Variants in RBBP4 observed in about 807,000 individuals in gnomAD.
RBBP4 encodes the protein RB binding protein 4, chromatin remodeling factor.
Under a neutral mutation model 57.2 loss-of-function variants are expected in RBBP4, and 3 were observed. The observed-to-expected ratio is 0.05, with a 90% confidence interval of 0.02 to 0.14. The LOEUF (loss-of-function observed/expected upper bound fraction) is 0.14. Ranked by LOEUF, RBBP4 falls within the 10% of genes least tolerant of loss-of-function variation. The pLI is 1.00. For missense variants in RBBP4, 107 were observed against 520.6 expected (o/e 0.21, Z 7.73); for synonymous variants, 151 against 171.5 (o/e 0.88, Z 0.93).
In RBBP4 at chr1:32,685,782, T is replaced by A. The variant is rs963921724; in HGVS notation, c.*6077T>A. ...GAAAAGCAGTCTGCACCACCAGTGATAAGCTGTGACAGAGTGGAACAGCCT... is the reference window on the plus strand; with the variant it reads ...GAAAAGCAGTCTGCACCACCAGTGAAAAGCTGTGACAGAGTGGAACAGCCT... On this transcript the variant is annotated 3_prime_UTR_variant, in exon 12 of 12. Coordinates refer to ENST00000373493, the MANE Select transcript of RBBP4 (RefSeq NM_005610.3). 2.0e-5 allele frequency: 3 copies of A among 152,240 alleles called. No homozygotes were observed. Among genetic ancestry groups the A allele is most frequent in the African/African-American group, 7.2e-5 (3 of 41,450 alleles). 9.4% of individuals were successfully genotyped at this position (152,240 alleles called of 1,614,324 possible).
intron 2 of RBBP4, among the ~76,000 whole-genome samples, chr1:32,653,501 C>T: frequency 6.6e-6 from 1 of 151,948 alleles, no homozygotes. Context: ...ATACTAGTAA[C>T]TTAAGAATGA....
In RBBP4 at chr1:32,685,581, TTGATACTC is replaced by T. The variant is rs1649767345; in HGVS notation, c.*5879_*5886del. ...CCTGTGGCACATCAATCCGCACTGT[TTGATACTC>T]TGGCTGAATCTCAGCTTTCACCAAC... On this transcript the variant is annotated 3_prime_UTR_variant, in exon 12 of 12. Transcript: ENST00000373493. 6.6e-6 allele frequency: 1 copy of T among 152,260 alleles called. No individual in the cohort carries two copies. The highest frequency in any genetic ancestry group is 1.5e-5 in the Non-Finnish European group (1 of 68,056). The allele number at this position is 152,260 out of a possible 1,614,324, so 9.4% of individuals were successfully genotyped here.
At chr1:32,651,688 G>T in intron 1 of RBBP4, 1 of 751,442 alleles carries the variant, frequency 1.3e-6, no homozygotes. Context: ...TGCTCCGAAG[G>T]CCTGGCTGGC....
intron 3 of RBBP4, among the ~76,000 whole-genome samples, chr1:32,662,064 G>T (rs1404960749): frequency 6.7e-6 from 1 of 150,140 alleles, no homozygotes; most frequent in Non-Finnish European, 1.5e-5. Context: ...TTTTGTGGTT[G>T]TAGTAGAGAT....
rs372273368 is a variant in RBBP4 at position 32,669,583 on chromosome 1, C to T, written c.966+20C>T. ...TTCCAGGTAAGAGAAACTAATGCTA[C>T]TATTTTGTTTGTTTTAAGAAAAACC... is the stretch of plus-strand genomic sequence containing the variant. On this transcript the variant is annotated intron_variant, in intron 8 of 11. Transcript: ENST00000373493. The surrounding 1 kb of genome is among the most constrained non-coding windows in gnomAD (Gnocchi z 4.9). 2 of 1,584,980 alleles carry T rather than the reference C, an allele frequency of 1.3e-6. No homozygotes were observed. Among genetic ancestry groups the T allele is most frequent in the Non-Finnish European group, 1.7e-6 (2 of 1,171,116 alleles).
chr1:32,651,567 C>T (rs569814863), intron 1 of RBBP4: 1 of 1,084,000 alleles, frequency 9.2e-7, no homozygotes, highest in Non-Finnish European at 1.2e-6. Flanking sequence ...TTCCTGCCTC[C>T]GATATCGGTT....
At chr1:32,653,655 T>G (rs865867860) in intron 2 of RBBP4, among the ~76,000 whole-genome samples, 1,380 of 50,260 alleles carry the variant, frequency 0.027, 47 homozygotes, top group African/African-American at 0.082. Context: ...TTTTTTTTTT[T>G]TTTTGTTTTT....
Position 32,684,536 on chromosome 1 carries a change from AGAAGTTGT to A in RBBP4, c.*4833_*4840del. On this transcript the variant is annotated 3_prime_UTR_variant, in exon 12 of 12. Coordinates refer to ENST00000373493, the MANE Select transcript of RBBP4 (RefSeq NM_005610.3). ...ATGATAGGTTATGAAACAGGTTCAAAGAAGTTGTGTCTTGGAAAAAAAGTGACAATGCT... is the reference window on the plus strand; with the variant it reads ...ATGATAGGTTATGAAACAGGTTCAAAGTCTTGGAAAAAAAGTGACAATGCT... 1 of 1,143,600 alleles carries A rather than the reference AGAAGTTGT, an allele frequency of 8.7e-7. No individual in the cohort carries two copies. Among genetic ancestry groups the A allele is most frequent in the Non-Finnish European group, 1.2e-6 (1 of 828,852 alleles). The allele number at this position is 1,143,600 out of a possible 1,614,324, so 70.8% of individuals were successfully genotyped here.
Position 32,679,656 on chromosome 1 carries a change from A to T in RBBP4, c.1229A>T (p.Asn410Ile). The T allele has an allele frequency of 6.3e-7, 1 of 1,586,950 alleles. No homozygotes were observed. The highest frequency in any genetic ancestry group is 8.5e-7 in the Non-Finnish European group (1 of 1,172,370). The part of the protein sequence containing the change: ...QVWQMAENIY[N>I]DEDPEGSVDP... ...TTTGGGCAGGCAGAGAACATTTATA[A>T]TGATGAAGACCCTGAAGGAAGCGTG... Residue 410 changes from asparagine to isoleucine, a missense_variant, in exon 12 of 12, where the codon AAT becomes ATT. Asn to Ile is a moderately radical substitution (Grantham distance 149, BLOSUM62 -3). Coordinates refer to ENST00000373493, the MANE Select transcript of RBBP4 (RefSeq NM_005610.3).
At position 32,680,357 on chromosome 1, in the gene RBBP4, G is replaced by C. The variant is rs879220285; in HGVS notation, c.*652G>C. ...AATGGTGTTTTTTTTTTTGTTGTTGGTTTTTTTTTTTTTTTTTTTAACTTG... is the reference window on the plus strand; with the variant it reads ...AATGGTGTTTTTTTTTTTGTTGTTGCTTTTTTTTTTTTTTTTTTTAACTTG... On this transcript the variant is annotated 3_prime_UTR_variant, in exon 12 of 12. Coordinates refer to ENST00000373493, the MANE Select transcript of RBBP4 (RefSeq NM_005610.3). 5.2e-6 allele frequency: 4 copies of C among 771,604 alleles called. No homozygotes were observed. The Admixed American group carries it at 2.7e-4, about 53-fold the overall frequency. 47.8% of individuals were successfully genotyped at this position (771,604 alleles called of 1,614,324 possible).
At chr1:32,672,993 T>G in intron 11 of RBBP4, 92 bp downstream of exon 11, 1 of 1,041,310 alleles carries the variant, frequency 9.6e-7, no homozygotes, top group Non-Finnish European at 1.4e-6. Context: ...AGCTACCATC[T>G]CTGTTCATTT....
At chr1:32,675,326 G>A (rs367552917) in intron 11 of RBBP4, among the ~76,000 whole-genome samples, 1 of 151,794 alleles carries the variant, frequency 6.6e-6, no homozygotes, top group African/African-American at 2.4e-5. Flanking sequence ...GTGAGCCACC[G>A]CGCCTGGCGT....
chr1:32,661,811 T>TCC (rs71006353), intron 3 of RBBP4, among the ~76,000 whole-genome samples: 6 of 144,502 alleles, frequency 4.2e-5, no homozygotes, highest in East Asian at 2.0e-4. Context: ...CTTTTTTTTT[T>TCC]CACATTCGTT....
chr1:32,678,694 A>G (rs559919395), intron 11 of RBBP4, among the ~76,000 whole-genome samples: 208 of 139,534 alleles, frequency 1.5e-3, no homozygotes, highest in African/African-American at 5.1e-3. Flanking sequence ...GGTTCAATCA[A>G]TTCTTATGCC....
rs1477445178 is a variant in RBBP4 at position 32,682,824 on chromosome 1, T to C, written c.*3119T>C. 3.3e-5 allele frequency: 5 copies of C among 152,164 alleles called. No individual in the cohort carries two copies. The highest frequency in any genetic ancestry group is 7.3e-5 in the Non-Finnish European group (5 of 68,036). 9.4% of individuals were successfully genotyped at this position (152,164 alleles called of 1,614,324 possible). On this transcript the variant is annotated 3_prime_UTR_variant, in exon 12 of 12. Coordinates refer to ENST00000373493, the MANE Select transcript of RBBP4 (RefSeq NM_005610.3). The stretch of plus-strand genomic sequence containing the variant: ...AAGCTTAGGAAATGAATAAAATTTA[T>C]AGGCATCTGTATAATGTACAACTTG...
chr1:32,664,501 G>A (rs995717744), intron 3 of RBBP4, among the ~76,000 whole-genome samples: 5 of 152,030 alleles, frequency 3.3e-5, no homozygotes, highest in African/African-American at 7.2e-5. Context: ...CGCCCAGACT[G>A]GAGTGTAGTC....
chr1:32,681,771 G>C lies in RBBP4; in HGVS notation c.*2066G>C. ...CTGGCACTCTTGTCTGGTTGGAAGA[G>C]TACATCCAAAGGGTACTTAGTGATC... On this transcript the variant is annotated 3_prime_UTR_variant, in exon 12 of 12. Transcript: ENST00000373493. The C allele has an allele frequency of 6.2e-7, 1 of 1,612,748 alleles. No individual in the cohort carries two copies. The highest frequency in any genetic ancestry group is 8.5e-7 in the Non-Finnish European group (1 of 1,178,924).
At chr1:32,670,696 C>A (rs567036059) in intron 8 of RBBP4, among the ~76,000 whole-genome samples, 110 of 152,270 alleles carry the variant, frequency 7.2e-4, no homozygotes, top group African/African-American at 2.6e-3. Flanking sequence ...CCTCAGCCTC[C>A]CAAAGTGCTG....
chr1:32,651,499 G>T, intron 1 of RBBP4, 177 bp downstream of exon 1: 1 of 1,351,450 alleles, frequency 7.4e-7, no homozygotes, highest in Non-Finnish European at 9.5e-7. Context: ...CCCTGGGACC[G>T]ATTTCGGTCG....
Sources: gnomAD v4.1 joint callset for allele counts (sites outside exome capture counted in the v4.1 genomes callset) on GRCh38, gnomAD v4.1.1 for gene constraint, Gnocchi (gnomAD v3.1) non-coding constraint, MANE v1.5 for transcripts, NCBI Gene and HGNC (gene_info 2026-07-23, HGNC 2026-07-21) for gene names.